The following SIMC1 variants were observed in gnomAD, a reference collection of about 807,000 sequenced individuals.
SIMC1 encodes SUMO-interacting motif-containing protein 1.
A neutral mutation model predicts 82.3 loss-of-function variants in SIMC1; 55 were observed. The ratio of observed to expected loss-of-function variants is 0.67; its 90% CI spans 0.54 to 0.84. The LOEUF (loss-of-function observed/expected upper bound fraction) is 0.84. Among genes scored for constraint, SIMC1 ranks in the 40% least tolerant of loss-of-function variants. The probability of loss-of-function intolerance (pLI) is 0.00; values close to 1 mark genes in which losing one functional copy is unlikely to be tolerated. For missense variants in SIMC1, 915 were observed against 1,107.2 expected (o/e 0.83, Z 2.46); for synonymous variants, 353 against 426.3 (o/e 0.83, Z 2.12).
At chr5:176,305,990 T>G (rs1166665074) in intron 4 of SIMC1, among the ~76,000 whole-genome samples, 1 of 44,720 alleles carries the variant, frequency 2.2e-5, no homozygotes, top group Non-Finnish European at 4.6e-5. Flanking sequence ...GGTGGGGGGG[T>G]CAGCCCCCCG....
intron 4 of SIMC1, among the ~76,000 whole-genome samples, chr5:176,306,278 G>A (rs183766812): frequency 3.1e-5 from 4 of 127,448 alleles, no homozygotes; most frequent in Admixed American, 7.6e-5. Flanking sequence ...CGCCCCGTCC[G>A]GGAGGGAGGT....
intron 1 of SIMC1, among the ~76,000 whole-genome samples, chr5:176,272,279 T>C (rs1581235775): frequency 6.7e-6 from 1 of 150,106 alleles, no homozygotes; most frequent in Admixed American, 6.7e-5. Context: ...CACTCCAGCC[T>C]GTGTGACATA....
intron 7 of SIMC1, 110 bp from the exon 8 acceptor site, chr5:176,336,607 CCTT>C: frequency 7.1e-7 from 1 of 1,416,448 alleles, no homozygotes; most frequent in Non-Finnish European, 9.5e-7. Context: ...CCATGGTATT[CCTT>C]CTTAACTGTC....
intron 7 of SIMC1, among the ~76,000 whole-genome samples, chr5:176,329,517 A>AG (rs1765541742): frequency 6.7e-6 from 1 of 148,886 alleles, no homozygotes; most frequent in Admixed American, 6.7e-5. Context: ...AAAAAAAAAA[A>AG]TGTATAGCTA....
chr5:176,269,711 T>C (rs1047257159), intron 1 of SIMC1, among the ~76,000 whole-genome samples: 1 of 152,162 alleles, frequency 6.6e-6, no homozygotes, highest in Non-Finnish European at 1.5e-5. Flanking sequence ...ATTACAAAAA[T>C]AGAAAATTAC....
rs762648950 is a variant in SIMC1, at chr5:176,295,248, C to T, written c.1650C>T (p.Leu550=). 2.5e-6 allele frequency: 4 copies of T among 1,612,448 alleles called. No individual in the cohort carries two copies. The highest frequency in any genetic ancestry group is 3.4e-6 in the Non-Finnish European group (4 of 1,179,172). Reference sequence around the variant, plus strand: ...TCCTAAAGGAGGCCTACATGCTTCTCATGAAAATTCAACAGTATGAACCGT... The same window carrying T: ...TCCTAAAGGAGGCCTACATGCTTCTTATGAAAATTCAACAGTATGAACCGT... ...VDVLKEAYML[L]MKIQQLHPAN... The change falls in exon 3 of 10, where the codon CTC becomes CTT. Residue 550 remains leucine (L), a synonymous_variant. Coordinates refer to ENST00000429602, the MANE Select transcript of SIMC1 (RefSeq NM_001308195.2).
chr5:176,253,013 C>T (rs1639010818), intron 1 of SIMC1, among the ~76,000 whole-genome samples: 1 of 152,196 alleles, frequency 6.6e-6, no homozygotes, highest in African/African-American at 2.4e-5. Context: ...GGCGCGCGCG[C>T]CTGCAATCGC....
chr5:176,269,000 A>C (rs1354016408), intron 1 of SIMC1, among the ~76,000 whole-genome samples: 1 of 152,196 alleles, frequency 6.6e-6, no homozygotes, highest in African/African-American at 2.4e-5. Flanking sequence ...AATTTGAACC[A>C]CATGATAATA....
chr5:176,322,059 A>G (rs1210198267), intron 5 of SIMC1, among the ~76,000 whole-genome samples: 2 of 151,944 alleles, frequency 1.3e-5, no homozygotes, highest in Non-Finnish European at 2.9e-5. Flanking sequence ...CTGCAGTTAA[A>G]TGTGATGTTT....
rs1249062157 is a variant in SIMC1, at chr5:176,324,546, C to T, written c.2043-83C>T. The T allele has an allele frequency of 1.1e-5, 16 of 1,440,182 alleles. No individual in the cohort carries two copies. In the East Asian group the frequency reaches 3.4e-4, roughly 30 times the overall value. The allele number at this position is 1,440,182 out of a possible 1,614,324, so 89.2% of individuals were successfully genotyped here. ...TTTAGTAGTCTCTACTCTCGATGTA[C>T]ACTGGTGGGGACCTCCTCCCAGCCA... On this transcript the variant is annotated intron_variant, in intron 6 of 9. Transcript: ENST00000429602.
rs545858994 is a variant in SIMC1, at chr5:176,329,246, C to T, written c.2171+4489C>T. On this transcript the variant is annotated intron_variant, in intron 7 of 9. Transcript: ENST00000429602. ...CAGCACTTTGGGAGGCCGAGACTGG[C>T]GGATCACGAGGTCAGGAGATCAAGA... Among the ~76,000 whole-genome samples the T allele has an allele frequency of 3.7e-3, 564 of 152,170 alleles. 3 individuals carry two copies. The highest frequency in any genetic ancestry group is 0.013 in the African/African-American group (534 of 41,512).
Position 176,324,658 on chromosome 5 carries a change from C to G in SIMC1, c.2072C>G (p.Ser691Cys), listed in dbSNP as rs1765298081. ...GTGTGCCAGCTTCAGAGGATGCTCT[C>G]CATAGCCGTAGAGGTGGACAGGACC... ...LIVCQLQRMLSIAVEVDRTPT... is the reference protein window; with the variant it reads ...LIVCQLQRMLCIAVEVDRTPT... Residue 691 changes from serine to cysteine, a missense_variant, in exon 7 of 10, where the codon TCC becomes TGC. Physicochemically the swap from Ser to Cys is moderately radical, Grantham distance 112. Around this residue, in one of 2 missense-constraint regions of SIMC1, gnomAD observed 902 missense variants for 1,040.3 expected, o/e 0.87. Coordinates refer to ENST00000429602, the MANE Select transcript of SIMC1 (RefSeq NM_001308195.2). 6.2e-7 allele frequency: 1 copy of G among 1,611,128 alleles called. No individual in the cohort carries two copies.
intron 4 of SIMC1, among the ~76,000 whole-genome samples, chr5:176,298,108 A>G (rs1763898729): frequency 6.6e-6 from 1 of 152,228 alleles, no homozygotes; most frequent in South Asian, 2.1e-4. Context: ...GAGCCGAATT[A>G]AGAAGCTTCA....
intron 4 of SIMC1, among the ~76,000 whole-genome samples, chr5:176,309,552 T>C (rs1323659149): frequency 6.6e-6 from 1 of 152,160 alleles, no homozygotes; most frequent in Non-Finnish European, 1.5e-5. Context: ...TAAAAACTTG[T>C]GATTTAAGAA....
intron 1 of SIMC1, among the ~76,000 whole-genome samples, chr5:176,251,549 T>A (rs1177471543): frequency 6.6e-6 from 1 of 152,118 alleles, no homozygotes; most frequent in African/African-American, 2.4e-5. Flanking sequence ...ATAGTCTGGC[T>A]GGATATGAAA....
chr5:176,288,800 T>C (rs982546881), intron 1 of SIMC1, among the ~76,000 whole-genome samples: 4 of 152,176 alleles, frequency 2.6e-5, no homozygotes, highest in African/African-American at 9.6e-5. Flanking sequence ...CCAGTGGCAG[T>C]AGTATCCAAG....
intron 9 of SIMC1, among the ~76,000 whole-genome samples, chr5:176,343,766 ACTTTT>A (rs1397721557): frequency 6.6e-6 from 1 of 151,780 alleles, no homozygotes; most frequent in Non-Finnish European, 1.5e-5. Context: ...CACTCACGAA[ACTTTT>A]CTTTTTTTGT....
intron 7 of SIMC1, among the ~76,000 whole-genome samples, chr5:176,333,800 A>G (rs1290796153): frequency 6.6e-6 from 1 of 152,064 alleles, no homozygotes. Context: ...AAGTGTACAT[A>G]TAGATCTGTT....
chr5:176,272,920 T>A (rs1581236615), intron 1 of SIMC1, among the ~76,000 whole-genome samples: 1 of 152,054 alleles, frequency 6.6e-6, no homozygotes, highest in African/African-American at 2.4e-5. Flanking sequence ...CTTGAGTAGG[T>A]AAACAAAGCA....
Sources: gnomAD v4.1 joint callset for allele counts (sites outside exome capture counted in the v4.1 genomes callset) on GRCh38, gnomAD v4.1.1 for gene constraint, gnomAD v4.1.1 regional missense constraint, MANE v1.5 for transcripts, NCBI Gene and HGNC (gene_info 2026-07-23, HGNC 2026-07-21) for gene names.